The following HNRNPM variants were observed in gnomAD, a reference collection of about 807,000 sequenced individuals.
HNRNPM encodes the protein CEA receptor.
HNRNPM carries 11 observed loss-of-function variants against 73.1 expected under a neutral mutation model. The ratio of observed to expected loss-of-function variants is 0.15; its 90% CI spans 0.09 to 0.25. HNRNPM has a LOEUF of 0.25. Ranked by LOEUF, HNRNPM falls within the 10% of genes least tolerant of loss-of-function variation. The probability of loss-of-function intolerance (pLI) is 1.00; values close to 1 mark genes in which losing one functional copy is unlikely to be tolerated. For synonymous variants in HNRNPM, 407 were observed against 355.2 expected (o/e 1.15, Z -1.64); for missense variants, 789 against 1,067.9 (o/e 0.74, Z 3.64).
chr19:8,446,522 A>G (rs936496213), intron 1 of HNRNPM, among the ~76,000 whole-genome samples: 3 of 152,124 alleles, frequency 2.0e-5, no homozygotes, highest in Admixed American at 6.6e-5. Context: ...CGATCCTTCC[A>G]TCTCAGCCTC....
chr19:8,455,432 G>A lies in HNRNPM; in HGVS notation c.141G>A (p.Glu47=). The A allele has an allele frequency of 3.7e-6, 6 of 1,614,000 alleles. No homozygotes were observed. The highest frequency in any genetic ancestry group is 5.1e-6 in the Non-Finnish European group (6 of 1,179,964). ...AAGGAGAACGACCTGCTCAGAATGA[G>A]AAGAGGAAGGAGAAAAACATAAAAA... is the stretch of plus-strand genomic sequence containing the variant. ...KGEGERPAQN[E]KRKEKNIKRG... The change falls in exon 2 of 16, where the codon GAG becomes GAA. Residue 47 remains glutamate, a synonymous_variant. Coordinates refer to ENST00000325495, the MANE Select transcript of HNRNPM (RefSeq NM_005968.5).
chr19:8,483,027 G>A, intron 12 of HNRNPM, 131 bp from the exon 13 acceptor site: 5 of 639,230 alleles, frequency 7.8e-6, no homozygotes, highest in Non-Finnish European at 1.4e-5. Context: ...CTGTGCGTGT[G>A]TTTCTCAAAC....
rs1021143715 is a variant in HNRNPM, at chr19:8,450,810, C to T, written c.114-4595C>T. ...CGCTATCTCACTTCACTGCAACCTC[C>T]GCCTCCCGTTCAAGTGATTCTCCTG... is the stretch of plus-strand genomic sequence containing the variant. On this transcript the variant is annotated intron_variant, in intron 1 of 15. Transcript: ENST00000325495. Among the ~76,000 whole-genome samples the T allele has an allele frequency of 9.9e-5, 15 of 151,536 alleles. No homozygotes were observed. The East Asian group carries it at 1.4e-3, about 14-fold the overall frequency.
intron 13 of HNRNPM, among the ~76,000 whole-genome samples, chr19:8,484,637 G>A (rs965582931): frequency 1.3e-5 from 2 of 152,314 alleles, no homozygotes; most frequent in South Asian, 2.1e-4. Flanking sequence ...AAGCAGGCGC[G>A]GTGTGGCCAG....
intron 7 of HNRNPM, among the ~76,000 whole-genome samples, chr19:8,467,109 C>G (rs1161633601): frequency 6.6e-6 from 1 of 152,098 alleles, no homozygotes; most frequent in African/African-American, 2.4e-5. Context: ...CTAGGCTTAG[C>G]CTAGAGTTTT....
intron 12 of HNRNPM, among the ~76,000 whole-genome samples, chr19:8,479,691 G>A (rs1001356538): frequency 1.4e-5 from 2 of 147,934 alleles, no homozygotes; most frequent in Non-Finnish European, 1.5e-5. Flanking sequence ...TGATCCTCCC[G>A]CCTTGGCCTC....
At chr19:8,467,367 T>A (rs1456429838) in intron 7 of HNRNPM, among the ~76,000 whole-genome samples, 168 bp from the exon 8 acceptor site, 1 of 152,210 alleles carries the variant, frequency 6.6e-6, no homozygotes, top group East Asian at 1.9e-4. Context: ...CCAGCTTTAT[T>A]TATTGTTCCT....
intron 1 of HNRNPM, among the ~76,000 whole-genome samples, chr19:8,454,103 T>C (rs1476871623): frequency 1.3e-5 from 2 of 152,134 alleles, no homozygotes; most frequent in African/African-American, 4.8e-5. Context: ...GGTTAAAATA[T>C]ACATAAAATA....
rs1216275124 is a variant in HNRNPM, at chr19:8,485,657, G to A, written c.1229G>A (p.Arg410His). ...GAGAGGATGGGTCCTGGCATTGACC[G>A]CCTCGGGGGTGCCGGCATGGAGCGC... ...GIERMGPGIDRLGGAGMERMG... is the reference protein window; with the variant it reads ...GIERMGPGIDHLGGAGMERMG... The change falls in exon 14 of 16, where the codon CGC becomes CAC. Residue 410 changes from arginine to histidine, a missense_variant. Arg to His is a conservative substitution (Grantham distance 29). Around this residue, in one of 4 missense-constraint regions of HNRNPM, gnomAD observed 604 missense variants for 744.0 expected, o/e 0.81. Transcript: ENST00000325495. The A allele has an allele frequency of 3.1e-6, 5 of 1,607,634 alleles. No individual in the cohort carries two copies. The highest frequency in any genetic ancestry group is 3.4e-6 in the Non-Finnish European group (4 of 1,179,284).
intron 1 of HNRNPM, among the ~76,000 whole-genome samples, chr19:8,452,338 A>G (rs1968688636): frequency 6.6e-6 from 1 of 152,260 alleles, no homozygotes; most frequent in Non-Finnish European, 1.5e-5. Flanking sequence ...AAAAGTAACA[A>G]TATTAAAATT....
intron 9 of HNRNPM, among the ~76,000 whole-genome samples, chr19:8,469,258 A>T (rs1969969685): frequency 6.6e-6 from 1 of 152,222 alleles, no homozygotes; most frequent in Non-Finnish European, 1.5e-5. Flanking sequence ...TGCAGTGTGG[A>T]TGAACCTCGA....
chr19:8,486,325 A>G lies in HNRNPM; in HGVS notation c.1897A>G (p.Ser633Gly). 1.3e-6 allele frequency: 2 copies of G among 1,599,712 alleles called. No individual in the cohort carries two copies. Among genetic ancestry groups the G allele is most frequent in the Non-Finnish European group, 1.7e-6 (2 of 1,179,768 alleles). ...IEMERGNFGG[S>G]FAGSFGGAGG... ...GATGGAGCGTGGCAACTTCGGAGGA[A>G]GCTTCGCAGGTTCCTTTGGTGGAGC... The change falls in exon 14 of 16, where the codon AGC becomes GGC. Residue 633 changes from serine to glycine, a missense_variant. Coordinates refer to ENST00000325495, the MANE Select transcript of HNRNPM (RefSeq NM_005968.5).
intron 12 of HNRNPM, among the ~76,000 whole-genome samples, chr19:8,481,041 C>A (rs772871063): frequency 1.3e-5 from 2 of 152,168 alleles, no homozygotes; most frequent in South Asian, 4.1e-4. Flanking sequence ...GACCTCTTTC[C>A]CGTGTCCTTT....
Position 8,445,089 on chromosome 19 carries a change from A to G in HNRNPM, c.91A>G (p.Asn31Asp). Residue 31 changes from asparagine to aspartate, a missense_variant, in exon 1 of 16, where the codon AAC (asparagine) becomes GAC (aspartate). Physicochemically the swap from Asn to Asp is conservative, Grantham distance 23. Coordinates refer to ENST00000325495, the MANE Select transcript of HNRNPM (RefSeq NM_005968.5). ...ESGAPGVPSG[N>D]GAPGPKGEGE... The stretch of plus-strand genomic sequence containing the variant: ...CGGCGCGCCCGGCGTGCCGAGCGGC[A>G]ACGGGGCTCCGGGCCCTAAGGGGTG... 1 of 1,422,260 alleles carries G rather than the reference A, an allele frequency of 7.0e-7. No homozygotes were observed. Among genetic ancestry groups the G allele is most frequent in the Non-Finnish European group, 9.2e-7 (1 of 1,087,600 alleles). 88.1% of individuals were successfully genotyped at this position (1,422,260 alleles called of 1,614,324 possible). A position where few individuals can be genotyped will look rare whatever the true frequency, so the allele number is the denominator to read the frequency against.
At chr19:8,479,936 G>A (rs1251600796) in intron 12 of HNRNPM, among the ~76,000 whole-genome samples, 2 of 148,636 alleles carry the variant, frequency 1.3e-5, no homozygotes. Context: ...CCCCATGTCC[G>A]GCTAATTTTT....
At chr19:8,484,468 C>T (rs1971133341) in intron 13 of HNRNPM, among the ~76,000 whole-genome samples, 1 of 152,248 alleles carries the variant, frequency 6.6e-6, no homozygotes, top group Admixed American at 6.5e-5. Context: ...CCACCACACC[C>T]AGCTGCCCCA....
intron 1 of HNRNPM, among the ~76,000 whole-genome samples, chr19:8,446,921 A>G (rs771685267): frequency 2.6e-5 from 4 of 152,194 alleles, no homozygotes; most frequent in Middle Eastern, 3.2e-3. Flanking sequence ...TTCAGCGTCT[A>G]TCTACGGAAG....
intron 10 of HNRNPM, 30 bp from the exon 11 acceptor site, chr19:8,473,634 T>A (rs1433214137): frequency 7.0e-7 from 1 of 1,434,716 alleles, no homozygotes; most frequent in Non-Finnish European, 9.8e-7. Context: ...TTGACATAAT[T>A]TTAGTTTGCA....
intron 1 of HNRNPM, among the ~76,000 whole-genome samples, chr19:8,453,327 G>C (rs1968761478): frequency 6.6e-6 from 1 of 151,886 alleles, no homozygotes; most frequent in African/African-American, 2.4e-5. Context: ...TTTTAGTAGA[G>C]ATGGAGTTTC....
Sources: allele counts gnomAD v4.1 joint callset (sites outside exome capture counted in the v4.1 genomes callset), GRCh38; gene constraint gnomAD v4.1.1; regional missense constraint gnomAD v4.1.1; transcripts MANE v1.5; gene names NCBI Gene and HGNC (gene_info 2026-07-23, HGNC 2026-07-21).